SMOC1: variants seen among roughly 807,000 people sequenced by gnomAD.
SMOC1 encodes the protein SPARC related modular calcium binding 1.
A neutral mutation model predicts 56.3 loss-of-function variants in SMOC1; 22 were observed. That is an observed-to-expected ratio of 0.39 (90% CI 0.28 to 0.56). The LOEUF (loss-of-function observed/expected upper bound fraction) is 0.56. Among genes scored for constraint, SMOC1 ranks in the 20% least tolerant of loss-of-function variants. The pLI, the probability that SMOC1 is intolerant of heterozygous loss-of-function variation, is 0.61. For synonymous variants in SMOC1, 193 were observed against 215.0 expected, an observed-to-expected ratio of 0.90 and a Z score of 0.89; for missense variants, 509 against 565.4, an observed-to-expected ratio of 0.90 and a Z score of 1.01.
At chr14:69,928,449 G>A (rs185665456) in intron 1 of SMOC1, among the ~76,000 whole-genome samples, 4 of 152,316 alleles carry the variant, frequency 2.6e-5, no homozygotes, top group Admixed American at 2.6e-4. Context: ...TGTGTTTGAG[G>A]CTAGAGCCAG....
intron 1 of SMOC1, among the ~76,000 whole-genome samples, chr14:69,928,647 CTTTA>C (rs1885082372): frequency 6.6e-6 from 1 of 151,692 alleles, no homozygotes; most frequent in Non-Finnish European, 1.5e-5. Flanking sequence ...CTTCCCAGGA[CTTTA>C]TTTCAGAGTA....
chr14:69,894,347 A>AGAAGGTG (rs1229987845), intron 1 of SMOC1, among the ~76,000 whole-genome samples: 1 of 152,228 alleles, frequency 6.6e-6, no homozygotes, highest in Non-Finnish European at 1.5e-5. Context: ...TAGCTCTCTC[A>AGAAGGTG]GAAGGTGGAG....
chr14:69,912,963 A>T (rs997650220), intron 1 of SMOC1, among the ~76,000 whole-genome samples: 1 of 152,218 alleles, frequency 6.6e-6, no homozygotes, highest in Non-Finnish European at 1.5e-5. Context: ...TAAGCCTATT[A>T]CTTTCAGTTC....
At chr14:69,971,199 G>A (rs1241865898) in intron 3 of SMOC1, among the ~76,000 whole-genome samples, 1 of 152,068 alleles carries the variant, frequency 6.6e-6, no homozygotes, top group Admixed American at 6.5e-5. Context: ...TGTATTTTTA[G>A]TAGAGACGGG....
intron 1 of SMOC1, 77 bp downstream of exon 1, chr14:69,879,854 G>T: frequency 6.1e-6 from 8 of 1,303,092 alleles, no homozygotes; most frequent in African/African-American, 1.5e-5. Context: ...GAGGGAAGGA[G>T]GAGGGGGAAG....
intron 10 of SMOC1, among the ~76,000 whole-genome samples, chr14:70,020,706 G>A (rs193199152): frequency 6.0e-4 from 92 of 152,320 alleles, no homozygotes; most frequent in African/African-American, 2.0e-3. Flanking sequence ...GGGAGGCCTT[G>A]ATGGGAGTGA....
At chr14:69,945,082 T>C (rs766498611) in intron 1 of SMOC1, among the ~76,000 whole-genome samples, 4 of 152,236 alleles carry the variant, frequency 2.6e-5, no homozygotes, top group African/African-American at 7.2e-5. Context: ...AAAGAGCTAC[T>C]TCTTCATGAT....
At chr14:70,027,532 C>T (rs1287912071) in intron 11 of SMOC1, among the ~76,000 whole-genome samples, 1 of 152,096 alleles carries the variant, frequency 6.6e-6, no homozygotes, top group East Asian at 1.9e-4. Flanking sequence ...TGACGGACCA[C>T]TATTGAGAGG....
intron 7 of SMOC1, among the ~76,000 whole-genome samples, chr14:70,005,145 A>T (rs1029592830): frequency 2.6e-5 from 4 of 152,244 alleles, no homozygotes; most frequent in African/African-American, 9.6e-5. Context: ...TGTAATGTTT[A>T]TGTTTTTTGG....
chr14:69,982,424 G>T (rs572415198), intron 5 of SMOC1, among the ~76,000 whole-genome samples: 8 of 152,188 alleles, frequency 5.3e-5, no homozygotes, highest in African/African-American at 1.9e-4. Flanking sequence ...TTAGAGCTGG[G>T]TCTACAGGTT....
chr14:69,908,528 G>A (rs968520498), intron 1 of SMOC1, among the ~76,000 whole-genome samples: 2 of 152,160 alleles, frequency 1.3e-5, no homozygotes, highest in African/African-American at 4.8e-5. Flanking sequence ...ACAGACTCTG[G>A]CCGCAGGACA....
chr14:69,891,782 G>A (rs1346509781), intron 1 of SMOC1, among the ~76,000 whole-genome samples: 1 of 152,006 alleles, frequency 6.6e-6, no homozygotes, highest in Non-Finnish European at 1.5e-5. Context: ...TTCCAAAGTC[G>A]GAAAATAAAA....
intron 5 of SMOC1, among the ~76,000 whole-genome samples, chr14:69,989,106 C>G (rs1884472658): frequency 6.6e-6 from 1 of 152,194 alleles, no homozygotes; most frequent in Admixed American, 6.5e-5. Context: ...TTTAAAGAGA[C>G]TGTCAAACTC....
At chr14:70,029,233 A>G (rs1886049588) in intron 11 of SMOC1, among the ~76,000 whole-genome samples, 1 of 152,232 alleles carries the variant, frequency 6.6e-6, no homozygotes, top group Non-Finnish European at 1.5e-5. Context: ...ACAATGGCTC[A>G]GCACCCTGTG....
At chr14:69,889,890 T>C (rs1394329674) in intron 1 of SMOC1, among the ~76,000 whole-genome samples, 3 of 152,248 alleles carry the variant, frequency 2.0e-5, no homozygotes, top group Non-Finnish European at 2.9e-5. Flanking sequence ...AGGGTCTCTC[T>C]GGTTCTGAAT....
At chr14:69,919,616 GT>G (rs1884778061) in intron 1 of SMOC1, among the ~76,000 whole-genome samples, 1 of 152,158 alleles carries the variant, frequency 6.6e-6, no homozygotes, top group Admixed American at 6.5e-5. Flanking sequence ...CCTTGTGAAT[GT>G]GAAGCTGGGC....
At chr14:69,957,236 G>A (rs975447588) in intron 3 of SMOC1, among the ~76,000 whole-genome samples, 2 of 152,196 alleles carry the variant, frequency 1.3e-5, no homozygotes, top group African/African-American at 2.4e-5. Flanking sequence ...TGTGTTGGCT[G>A]GAGCTTGGCA....
At chr14:69,887,027 T>C (rs372138849) in intron 1 of SMOC1, among the ~76,000 whole-genome samples, 330 of 152,306 alleles carry the variant, frequency 2.2e-3, no homozygotes, top group African/African-American at 7.4e-3. Context: ...GAGAAACTCA[T>C]GTCCTGTGCA....
intron 1 of SMOC1, among the ~76,000 whole-genome samples, chr14:69,926,689 G>A (rs1392782581): frequency 6.6e-6 from 1 of 152,158 alleles, no homozygotes; most frequent in Non-Finnish European, 1.5e-5. Context: ...CACACTCTCT[G>A]CTCCTCACTG....
Sources: allele counts gnomAD v4.1 joint callset (sites outside exome capture counted in the v4.1 genomes callset), GRCh38; gene constraint gnomAD v4.1.1; transcripts MANE v1.5; gene names NCBI Gene and HGNC (gene_info 2026-07-23, HGNC 2026-07-21).